The following EYS variants were observed in gnomAD, a reference collection of about 807,000 sequenced individuals.
EYS encodes EGF-like photoreceptor maintenance factor, also known as protein eyes shut homolog.
Under a neutral mutation model 282.1 loss-of-function variants are expected in EYS, and 250 were observed. That is an observed-to-expected ratio of 0.89 (90% CI 0.80 to 0.98). EYS has a LOEUF of 0.98. Among genes scored for constraint, EYS ranks in the 50% least tolerant of loss-of-function variants. EYS has a pLI of 0.00. For synonymous variants in EYS, 1,355 were observed against 1,282.9 expected (o/e 1.06, Z -1.20); for missense variants, 4,016 against 3,709.0 (o/e 1.08, Z -2.15).
rs114648855 is a variant in EYS, at chr6:65,613,455, A to G, written c.-333+26323T>C. Reference sequence around the variant, plus strand: ...AGTGTGGGAAATCTGAATTTGAAGTATAATTTTCAGTCTGGTACACTGGGT... The same window carrying G: ...AGTGTGGGAAATCTGAATTTGAAGTGTAATTTTCAGTCTGGTACACTGGGT... On this transcript the variant is annotated intron_variant, in intron 2 of 42. Coordinates refer to ENST00000503581, the MANE Select transcript of EYS (RefSeq NM_001142800.2). 2.2e-3 allele frequency among the ~76,000 whole-genome samples: 335 copies of G among 151,946 alleles called. 3 individuals are homozygous for G. Among genetic ancestry groups the G allele is most frequent in the African/African-American group, 7.5e-3 (313 of 41,546 alleles).
chr6:63,895,361 G>A (rs539927431), intron 35 of EYS, among the ~76,000 whole-genome samples: 1 of 152,142 alleles, frequency 6.6e-6, no homozygotes, highest in Non-Finnish European at 1.5e-5. Context: ...TGGCATTTTG[G>A]ATTTCAGGAG....
chr6:64,431,731 T>C (rs1327751852), intron 28 of EYS, among the ~76,000 whole-genome samples: 2 of 152,152 alleles, frequency 1.3e-5, no homozygotes, highest in African/African-American at 2.4e-5. Context: ...ACCACTGCAT[T>C]TTCATACCCA....
At chr6:64,776,513 T>C (rs931292592) in intron 22 of EYS, among the ~76,000 whole-genome samples, 8 of 152,048 alleles carry the variant, frequency 5.3e-5, no homozygotes, top group African/African-American at 1.9e-4. Context: ...TGAAAGGCTT[T>C]CTATTCTTTG....
chr6:64,459,825 A>T (rs1188334444), intron 26 of EYS, among the ~76,000 whole-genome samples: 2 of 152,134 alleles, frequency 1.3e-5, no homozygotes, highest in Non-Finnish European at 2.9e-5. Context: ...CACTGACTCA[A>T]ATGTTAATTT....
chr6:63,927,898 A>G (rs1764764640), intron 35 of EYS, among the ~76,000 whole-genome samples: 1 of 152,230 alleles, frequency 6.6e-6, no homozygotes, highest in Admixed American at 6.5e-5. Context: ...CTGAAATTAC[A>G]TGAAAATTTA....
chr6:64,003,070 A>G (rs1768173225), intron 33 of EYS, among the ~76,000 whole-genome samples: 1 of 152,324 alleles, frequency 6.6e-6, no homozygotes, highest in East Asian at 1.9e-4. Context: ...GTGTTCATCA[A>G]TAGATGAATG....
intron 22 of EYS, among the ~76,000 whole-genome samples, chr6:64,664,965 T>C (rs909680799): frequency 6.6e-6 from 1 of 152,204 alleles, no homozygotes; most frequent in Non-Finnish European, 1.5e-5. Flanking sequence ...TTAATATACA[T>C]CTATTACTAT....
chr6:64,724,504 A>G (rs991520786), intron 22 of EYS, among the ~76,000 whole-genome samples: 4 of 152,186 alleles, frequency 2.6e-5, no homozygotes, highest in African/African-American at 9.7e-5. Flanking sequence ...ATCACCTTAA[A>G]CCACTAAAGC....
intron 2 of EYS, among the ~76,000 whole-genome samples, chr6:65,565,460 G>T (rs183028485): frequency 5.6e-4 from 85 of 152,190 alleles, no homozygotes; most frequent in African/African-American, 2.0e-3. Flanking sequence ...AGATGCTGGA[G>T]AGGATATGGA....
At chr6:63,793,151 A>G (rs1770559674) in intron 37 of EYS, among the ~76,000 whole-genome samples, 1 of 152,226 alleles carries the variant, frequency 6.6e-6, no homozygotes, top group South Asian at 2.1e-4. Flanking sequence ...TGGTCTAAGA[A>G]ACATGAATCA....
rs532989779 is a variant in EYS, at chr6:65,232,922, G to T, written c.2023+62941C>A. On this transcript the variant is annotated intron_variant, in intron 12 of 42. Transcript: ENST00000503581. ...ATAGATACTGTGACTTTTTCACTTA[G>T]CATGTTTTCAAGATCCATCAATATT... Among the ~76,000 whole-genome samples, 4 of 152,088 alleles carry T rather than the reference G, an allele frequency of 2.6e-5. No homozygotes were observed. The South Asian group carries it at 6.2e-4, about 24-fold the overall frequency.
At chr6:64,393,027 C>G (rs577335918) in intron 28 of EYS, among the ~76,000 whole-genome samples, 1 of 152,184 alleles carries the variant, frequency 6.6e-6, no homozygotes, top group East Asian at 1.9e-4. Context: ...AGTAGAAAAT[C>G]TAGAAGAAAT....
intron 42 of EYS, among the ~76,000 whole-genome samples, chr6:63,725,768 C>T (rs1561996423): frequency 6.6e-6 from 1 of 152,076 alleles, no homozygotes; most frequent in Non-Finnish European, 1.5e-5. Context: ...AGATTATGAT[C>T]ATTAGAGCAC....
At chr6:65,124,045 G>A (rs1170160982) in intron 12 of EYS, among the ~76,000 whole-genome samples, 1 of 152,010 alleles carries the variant, frequency 6.6e-6, no homozygotes, top group African/African-American at 2.4e-5. Flanking sequence ...CTGGTGGCAT[G>A]CACCTGTGGT....
chr6:64,859,516 G>C (rs796387468), intron 19 of EYS, among the ~76,000 whole-genome samples: 8 of 152,202 alleles, frequency 5.3e-5, no homozygotes, highest in African/African-American at 1.7e-4. Context: ...ATTCCTACAT[G>C]TTGTGGGAGG....
chr6:64,191,897 T>C (rs1244990755), intron 31 of EYS, among the ~76,000 whole-genome samples: 1 of 150,370 alleles, frequency 6.7e-6, no homozygotes, highest in African/African-American at 2.5e-5. Flanking sequence ...CCCTGAGGAA[T>C]CGCCACACTG....
intron 28 of EYS, among the ~76,000 whole-genome samples, chr6:64,393,253 A>C (rs1392223131): frequency 2.0e-5 from 3 of 152,222 alleles, no homozygotes; most frequent in Non-Finnish European, 4.4e-5. Context: ...TCAATAGAAA[A>C]AGAGGGAATC....
chr6:64,586,339 T>C (rs534125130), intron 26 of EYS, among the ~76,000 whole-genome samples: 1 of 152,228 alleles, frequency 6.6e-6, no homozygotes, highest in African/African-American at 2.4e-5. Context: ...TGTGGTATTT[T>C]GTAATATCAG....
At chr6:64,628,175 T>A (rs905481236) in intron 22 of EYS, among the ~76,000 whole-genome samples, 3 of 152,002 alleles carry the variant, frequency 2.0e-5, no homozygotes, top group South Asian at 2.1e-4. Flanking sequence ...GAAGATGACA[T>A]CTTCAGTATT....
Sources: gnomAD v4.1 joint callset for allele counts (sites outside exome capture counted in the v4.1 genomes callset) on GRCh38, gnomAD v4.1.1 for gene constraint, MANE v1.5 for transcripts, NCBI Gene and HGNC (gene_info 2026-07-23, HGNC 2026-07-21) for gene names.